The following KALRN variants were observed in gnomAD, a reference collection of about 807,000 sequenced individuals.
The protein encoded by KALRN is kalirin.
Under a neutral mutation model 353.7 loss-of-function variants are expected in KALRN, and 70 were observed. The ratio of observed to expected loss-of-function variants is 0.20; its 90% CI spans 0.16 to 0.24. The LOEUF is 0.24. Among genes scored for constraint, KALRN ranks in the 10% least tolerant of loss-of-function variants. The pLI, the probability that KALRN is intolerant of heterozygous loss-of-function variation, is 1.00. For missense variants in KALRN, 2,791 were observed against 3,756.7 expected (o/e 0.74, Z 6.72); for synonymous variants, 1,391 against 1,434.8 (o/e 0.97, Z 0.69).
intron 50 of KALRN, among the ~76,000 whole-genome samples, chr3:124,678,914 T>C (rs1257500464): frequency 6.6e-6 from 1 of 152,208 alleles, no homozygotes; most frequent in African/African-American, 2.4e-5. Context: ...GGCAGACTCT[T>C]ATTTACCCCC....
intron 37 of KALRN, among the ~76,000 whole-genome samples, chr3:124,640,494 A>T (rs2081923393): frequency 6.6e-6 from 1 of 152,078 alleles, no homozygotes; most frequent in African/African-American, 2.4e-5. Context: ...CATGTTGGCC[A>T]GGCTGGTCTC....
intron 1 of KALRN, among the ~76,000 whole-genome samples, chr3:124,139,422 C>T (rs2066344781): frequency 6.6e-6 from 1 of 152,138 alleles, no homozygotes; most frequent in Admixed American, 6.5e-5. Context: ...TGTTTTAATG[C>T]ATTCATTTCT....
At chr3:124,413,738 A>C (rs762792065) in intron 14 of KALRN, 73 bp downstream of exon 14, 4 of 1,135,810 alleles carry the variant, frequency 3.5e-6, no homozygotes, top group Non-Finnish European at 5.1e-6. Context: ...TGCAAGGAGC[A>C]GTGCCACATC....
intron 34 of KALRN, 115 bp from the exon 35 acceptor site, chr3:124,632,305 G>A: frequency 2.0e-6 from 2 of 981,396 alleles, no homozygotes; most frequent in Non-Finnish European, 3.1e-6. Flanking sequence ...GTCTACAGCT[G>A]GCCTGGACAT....
chr3:124,178,484 T>C (rs2073096731), intron 1 of KALRN, among the ~76,000 whole-genome samples: 1 of 152,226 alleles, frequency 6.6e-6, no homozygotes, highest in African/African-American at 2.4e-5. Context: ...TACAGACTAC[T>C]ATACACCTAG....
rs1258095263 is a variant in KALRN, at chr3:124,108,607, A to G, written c.73+74794A>G. 2.0e-5 allele frequency among the ~76,000 whole-genome samples: 3 copies of G among 152,308 alleles called. No homozygotes were observed. The East Asian group carries it at 5.8e-4, about 29-fold the overall frequency. On this transcript the variant is annotated intron_variant, in intron 1 of 59. Transcript: ENST00000682506. ...TTCCAAGTGGAAGCTTTAAAAGCCA[A>G]TATACTGTTTACTTCCTTCCATTGT...
intron 11 of KALRN, among the ~76,000 whole-genome samples, chr3:124,390,562 C>G (rs926181212): frequency 1.3e-5 from 2 of 152,144 alleles, no homozygotes; most frequent in African/African-American, 4.8e-5. Flanking sequence ...ACTTGCTGTA[C>G]TGTTGTACTG....
intron 32 of KALRN, among the ~76,000 whole-genome samples, chr3:124,495,935 C>A (rs2063666403): frequency 9.5e-6 from 1 of 105,182 alleles, no homozygotes; most frequent in Non-Finnish European, 1.9e-5. Context: ...TCTTACAGAC[C>A]CGTTCCCAAG....
chr3:124,663,843 A>G (rs2085211779), intron 45 of KALRN, among the ~76,000 whole-genome samples: 1 of 152,166 alleles, frequency 6.6e-6, no homozygotes, highest in Non-Finnish European at 1.5e-5. Flanking sequence ...TTTACGGGAT[A>G]GTATATTTAA....
At chr3:124,407,034 A>G (rs1167640137) in intron 13 of KALRN, among the ~76,000 whole-genome samples, 1 of 151,908 alleles carries the variant, frequency 6.6e-6, no homozygotes, top group Non-Finnish European at 1.5e-5. Context: ...GGGTTTCACC[A>G]TGCTTGCCAG....
Position 124,645,654 on chromosome 3 carries a change from CTCT to C in KALRN, c.5665-5153_5665-5151del, listed in dbSNP as rs775930920. 4.4e-5 allele frequency among the ~76,000 whole-genome samples: 6 copies of C among 135,774 alleles called. No individual in the cohort carries two copies. The East Asian group carries it at 1.1e-3, about 24-fold the overall frequency. The allele number at this position is 135,774 out of a possible 152,430, so 89.1% of individuals were successfully genotyped here. ...TCTCTCTCTCTCTCTCTCTCTCTCT[CTCT>C]CTGTGCGTGTGTGTGTGTGTGTATC... On this transcript the variant is annotated intron_variant, in intron 37 of 59. Transcript: ENST00000682506.
At chr3:124,145,616 A>C (rs1049516964) in intron 1 of KALRN, among the ~76,000 whole-genome samples, 2 of 152,162 alleles carry the variant, frequency 1.3e-5, no homozygotes, top group Non-Finnish European at 2.9e-5. Flanking sequence ...CTTCACATAA[A>C]CGTCTACTGA....
chr3:124,366,855 C>G (rs1384617494), intron 10 of KALRN, among the ~76,000 whole-genome samples: 1 of 145,206 alleles, frequency 6.9e-6, no homozygotes, highest in Non-Finnish European at 1.5e-5. Flanking sequence ...ACCTCCCTCC[C>G]GGACGGGGCG....
chr3:124,449,025 C>T (rs922704674), intron 21 of KALRN, among the ~76,000 whole-genome samples: 1 of 152,182 alleles, frequency 6.6e-6, no homozygotes, highest in African/African-American at 2.4e-5. Context: ...ATTAGAATAT[C>T]TACAGGATAA....
chr3:124,145,061 G>A (rs1254054502), intron 1 of KALRN, among the ~76,000 whole-genome samples: 2 of 152,100 alleles, frequency 1.3e-5, no homozygotes, highest in Admixed American at 6.5e-5. Flanking sequence ...GGAGGAGCAA[G>A]CCCTTCTCTT....
At chr3:124,269,321 C>G in intron 5 of KALRN, 66 bp downstream of exon 5, 2 of 1,469,300 alleles carry the variant, frequency 1.4e-6, no homozygotes, top group Non-Finnish European at 1.8e-6. Flanking sequence ...GCTCATCCAA[C>G]TTTCTGATTA....
chr3:124,611,585 A>G (rs1285840725), intron 34 of KALRN, among the ~76,000 whole-genome samples: 4 of 152,230 alleles, frequency 2.6e-5, no homozygotes, highest in Admixed American at 6.5e-5. Context: ...TGGCTATATA[A>G]CATAGAGTGG....
intron 6 of KALRN, among the ~76,000 whole-genome samples, chr3:124,316,112 G>A (rs561083811): frequency 6.6e-6 from 1 of 152,238 alleles, no homozygotes; most frequent in African/African-American, 2.4e-5. Flanking sequence ...CCGGAAATGA[G>A]GAAAAGCTAA....
At chr3:124,047,504 T>C (rs2040590121) in intron 1 of KALRN, among the ~76,000 whole-genome samples, 1 of 149,612 alleles carries the variant, frequency 6.7e-6, no homozygotes, top group Admixed American at 6.7e-5. Flanking sequence ...TTTTTTTTTT[T>C]TTTTTTGAGA....
Sources: allele counts gnomAD v4.1 joint callset (sites outside exome capture counted in the v4.1 genomes callset), GRCh38; gene constraint gnomAD v4.1.1; transcripts MANE v1.5; gene names NCBI Gene and HGNC (gene_info 2026-07-23, HGNC 2026-07-21).